The following STK32B variants were observed in gnomAD, a reference collection of about 807,000 sequenced individuals.
The protein encoded by STK32B is serine/threonine kinase 32B, also known as serine/threonine-protein kinase 32B.
A neutral mutation model predicts 52.6 loss-of-function variants in STK32B; 43 were observed. That is an observed-to-expected ratio of 0.82 (90% CI 0.64 to 1.05). The LOEUF is 1.05. Among genes scored for constraint, STK32B ranks in the 50% least tolerant of loss-of-function variants. The pLI, the probability that STK32B is intolerant of heterozygous loss-of-function variation, is 0.00. For missense variants in STK32B, 621 were observed against 534.6 expected (o/e 1.16, Z -1.59); for synonymous variants, 238 against 204.3 (o/e 1.17, Z -1.41).
At chr4:5,134,522 TTAAAAA>T (rs1325585354) in intron 1 of STK32B, among the ~76,000 whole-genome samples, 2 of 152,162 alleles carry the variant, frequency 1.3e-5, no homozygotes, top group Non-Finnish European at 2.9e-5. Context: ...GAAAAAATAA[TTAAAAA>T]TAAATAAATT....
At position 5,372,697 on chromosome 4, in the gene STK32B, T is replaced by C. The variant is rs548668450; in HGVS notation, c.435-25510T>C. ...ATAACTGCATCTACACACTTCGAGC[T>C]CGTGGCCTCAGCAGGAGAAAGTTGG... is the stretch of plus-strand genomic sequence containing the variant. On this transcript the variant is annotated intron_variant, in intron 4 of 11. Transcript: ENST00000282908. Among the ~76,000 whole-genome samples the C allele has an allele frequency of 1.8e-3, 243 of 138,302 alleles. 1 individual carries two copies. The highest frequency in any genetic ancestry group is 5.2e-3 in the African/African-American group (197 of 37,836). The allele number at this position is 138,302 out of a possible 152,430, so 90.7% of individuals were successfully genotyped here. A position where few individuals can be genotyped will look rare whatever the true frequency, so the allele number is the denominator to read the frequency against.
intron 1 of STK32B, among the ~76,000 whole-genome samples, chr4:5,118,932 C>A (rs1714880843): frequency 6.6e-6 from 1 of 152,182 alleles, no homozygotes; most frequent in Non-Finnish European, 1.5e-5. Flanking sequence ...TAGACGAGTG[C>A]TTCTCAGCCC....
At chr4:5,409,424 C>A (rs1737878199) in intron 5 of STK32B, among the ~76,000 whole-genome samples, 1 of 152,102 alleles carries the variant, frequency 6.6e-6, no homozygotes, top group African/African-American at 2.4e-5. Flanking sequence ...AAATCACATG[C>A]TCAATACTGT....
At position 5,121,399 on chromosome 4, in the gene STK32B, C is replaced by T. The variant is rs2108811172; in HGVS notation, c.53-18506C>T. ...TACATGTATTAAAAGAATTTGGTCC[C>T]ACAACGACCCTGTTATATAGCTGTT... is the stretch of plus-strand genomic sequence containing the variant. On this transcript the variant is annotated intron_variant, in intron 1 of 11. Coordinates refer to ENST00000282908, the MANE Select transcript of STK32B (RefSeq NM_018401.3). Among the ~76,000 whole-genome samples, 4 of 152,226 alleles carry T rather than the reference C, an allele frequency of 2.6e-5. No individual in the cohort carries two copies. In the South Asian group the frequency reaches 8.3e-4, roughly 32 times the overall value.
intron 3 of STK32B, among the ~76,000 whole-genome samples, chr4:5,311,915 T>TATATATATATATATATA (rs1228362253): frequency 1.5e-5 from 2 of 135,434 alleles, no homozygotes; most frequent in African/African-American, 3.3e-5. Context: ...TATATATATA[T>TATATATATATATATATA]TTTTTTTTAA....
At chr4:5,280,250 G>A (rs1728103869) in intron 3 of STK32B, among the ~76,000 whole-genome samples, 1 of 152,000 alleles carries the variant, frequency 6.6e-6, no homozygotes, top group Non-Finnish European at 1.5e-5. Flanking sequence ...TCTAGGGCAG[G>A]GCACAATGCT....
intron 4 of STK32B, among the ~76,000 whole-genome samples, chr4:5,346,779 T>C (rs1460628278): frequency 7.1e-6 from 1 of 141,454 alleles, no homozygotes; most frequent in African/African-American, 3.0e-5. Context: ...TAGTCCATTT[T>C]CACACTGTTA....
intron 7 of STK32B, among the ~76,000 whole-genome samples, chr4:5,455,751 G>A (rs1404744550): frequency 1.3e-5 from 2 of 152,104 alleles, no homozygotes; most frequent in Non-Finnish European, 2.9e-5. Context: ...AGACACTACT[G>A]GGGCCCCGAG....
intron 6 of STK32B, among the ~76,000 whole-genome samples, chr4:5,443,722 C>G (rs1471615437): frequency 1.3e-5 from 2 of 152,136 alleles, no homozygotes; most frequent in South Asian, 2.1e-4. Context: ...TTTTCCCCAT[C>G]TTTGTGGTTT....
chr4:5,221,182 A>G (rs1362037459), intron 3 of STK32B, among the ~76,000 whole-genome samples: 1 of 152,144 alleles, frequency 6.6e-6, no homozygotes, highest in Non-Finnish European at 1.5e-5. Context: ...TCTGCTCTAT[A>G]GATCCAATTC....
At chr4:5,096,752 A>G (rs918741341) in intron 1 of STK32B, among the ~76,000 whole-genome samples, 2 of 152,216 alleles carry the variant, frequency 1.3e-5, no homozygotes, top group African/African-American at 4.8e-5. Flanking sequence ...GTCAGCCCAC[A>G]TTCAGAGACC....
intron 5 of STK32B, among the ~76,000 whole-genome samples, chr4:5,415,106 G>A (rs927997016): frequency 1.3e-5 from 2 of 152,192 alleles, no homozygotes; most frequent in Non-Finnish European, 2.9e-5. Flanking sequence ...TAAGGGAATA[G>A]GAGGGTGCAG....
At chr4:5,205,591 T>C (rs1261658494) in intron 3 of STK32B, among the ~76,000 whole-genome samples, 1 of 152,180 alleles carries the variant, frequency 6.6e-6, no homozygotes, top group African/African-American at 2.4e-5. Flanking sequence ...GATACGGTTT[T>C]CCATCTTGGT....
chr4:5,247,134 T>C (rs1212608882), intron 3 of STK32B, among the ~76,000 whole-genome samples: 1 of 152,200 alleles, frequency 6.6e-6, no homozygotes, highest in Non-Finnish European at 1.5e-5. Flanking sequence ...GCAGAGGTTA[T>C]TGCTGTCTTT....
intron 1 of STK32B, among the ~76,000 whole-genome samples, chr4:5,068,838 A>G (rs1316730482): frequency 2.0e-5 from 3 of 152,216 alleles, no homozygotes; most frequent in Non-Finnish European, 4.4e-5. Flanking sequence ...ATGCAAAACA[A>G]TGATATTCAG....
intron 3 of STK32B, among the ~76,000 whole-genome samples, chr4:5,312,418 C>T (rs1044400427): frequency 2.0e-5 from 3 of 151,318 alleles, no homozygotes; most frequent in African/African-American, 7.3e-5. Flanking sequence ...GGTATATCTC[C>T]TAATGCTATC....
At chr4:5,478,879 A>C (rs1718443689) in intron 11 of STK32B, among the ~76,000 whole-genome samples, 1 of 152,092 alleles carries the variant, frequency 6.6e-6, no homozygotes, top group Non-Finnish European at 1.5e-5. Flanking sequence ...ACCAGTGCCC[A>C]CACTTGGCAT....
At chr4:5,390,532 G>T (rs904516898) in intron 4 of STK32B, among the ~76,000 whole-genome samples, 7 of 152,084 alleles carry the variant, frequency 4.6e-5, no homozygotes, top group African/African-American at 1.7e-4. Flanking sequence ...TAGCAGCCTG[G>T]CCCTGCTCAG....
At chr4:5,468,913 A>G (rs910852000) in intron 11 of STK32B, among the ~76,000 whole-genome samples, 12 of 152,058 alleles carry the variant, frequency 7.9e-5, no homozygotes, top group African/African-American at 2.9e-4. Flanking sequence ...AGCTGTGCGC[A>G]GTGGCGGGCA....
Sources: allele counts gnomAD v4.1 joint callset (sites outside exome capture counted in the v4.1 genomes callset), GRCh38; gene constraint gnomAD v4.1.1; transcripts MANE v1.5; gene names NCBI Gene and HGNC (gene_info 2026-07-23, HGNC 2026-07-21).